Variants in SNRPN observed in about 807,000 individuals in gnomAD.
The protein encoded by SNRPN is small nuclear ribonucleoprotein polypeptide N.
In SNRPN, 7 loss-of-function variants were observed where a neutral mutation model predicts 25.2. The ratio of observed to expected loss-of-function variants is 0.28; its 90% CI spans 0.16 to 0.52. SNRPN has a LOEUF of 0.52. Ranked by LOEUF, SNRPN falls within the 20% of genes least tolerant of loss-of-function variation. SNRPN has a pLI of 0.96. For missense variants in SNRPN, 196 were observed against 322.5 expected, an observed-to-expected ratio of 0.61 and a Z score of 3.00; for synonymous variants, 124 against 110.6, an observed-to-expected ratio of 1.12 and a Z score of -0.76.
intron 2 of SNRPN, among the ~76,000 whole-genome samples, chr15:24,891,925 C>G (rs1244159204): frequency 1.3e-5 from 2 of 152,128 alleles, no homozygotes; most frequent in Non-Finnish European, 1.5e-5. Context: ...TTATATGTAA[C>G]AGTTATCTCT....
In SNRPN at chr15:24,976,993, AG is replaced by A; in HGVS notation, c.386del (p.Gly129AlafsTer13). On this transcript the variant is annotated frameshift_variant, in exon 7 of 10. Transcript: ENST00000390687. LOFTEE classifies it high-confidence loss of function. ...PIPQAPAGLA[G>X]PVRGVGGPSQ... ...TTCCCCAGGCCCCTGCTGGATTGGC[AG>A]GCCCTGTCCGAGGAGTTGGGGGACC... 6.3e-7 allele frequency: 1 copy of A among 1,599,258 alleles called. No individual in the cohort carries two copies.
Position 24,848,425 on chromosome 15 carries a change from GC to G in SNRPN, c.-579+18521del, listed in dbSNP as rs1271626438. 2.6e-5 allele frequency: 4 copies of G among 152,092 alleles called. No individual in the cohort carries two copies. In the East Asian group the frequency reaches 7.7e-4, roughly 29 times the overall value. 9.4% of individuals were successfully genotyped at this position (152,092 alleles called of 1,614,324 possible). On this transcript the variant is annotated intron_variant, in intron 2 of 12. Coordinates refer to the SNRPN transcript ENST00000400100. ...GCTTATACCGCGGAAACTTTAACCTGCGTTTTCCCGTAAAATTTTCCTCTCT... is the reference window on the plus strand; with the variant it reads ...GCTTATACCGCGGAAACTTTAACCTGGTTTTCCCGTAAAATTTTCCTCTCT...
At chr15:24,885,613 C>T (rs1262242942) in intron 1 of SNRPN, among the ~76,000 whole-genome samples, 1 of 152,024 alleles carries the variant, frequency 6.6e-6, no homozygotes, top group African/African-American at 2.4e-5. Flanking sequence ...ATCTCTGCAA[C>T]ATTGTATCAT....
At position 24,896,506 on chromosome 15, in the gene SNRPN, C is replaced by T. The variant is rs187054579; in HGVS notation, c.-505+9917C>T. ...TAGGCAGATCACAAGGTCAGGAGAT[C>T]GAGACCCCCCCGCCGGCTAACACGG... is the stretch of plus-strand genomic sequence containing the variant. On this transcript the variant is annotated intron_variant, in intron 2 of 11. Coordinates refer to the SNRPN transcript ENST00000400097. Among the ~76,000 whole-genome samples, 10 of 151,546 alleles carry T rather than the reference C, an allele frequency of 6.6e-5. No individual in the cohort carries two copies. The South Asian group carries it at 8.3e-4, about 13-fold the overall frequency.
chr15:24,824,649 T>G (rs2049951659), intron 1 of SNRPN, among the ~76,000 whole-genome samples: 1 of 152,138 alleles, frequency 6.6e-6, no homozygotes, highest in Non-Finnish European at 1.5e-5. Flanking sequence ...TTTTTAATTT[T>G]TATATGTTCA....
intron 2 of SNRPN, chr15:24,909,810 C>CT (rs1367000027): frequency 8.0e-7 from 1 of 1,257,710 alleles, no homozygotes; most frequent in African/African-American, 1.5e-5. Flanking sequence ...TTCTTAACAA[C>CT]TTTAACAAAC....
rs2060644068 is a variant in SNRPN at position 24,929,368 on chromosome 15, T to C, written c.-391+9244T>C. 6.6e-6 allele frequency among the ~76,000 whole-genome samples: 1 copy of C among 152,156 alleles called. No individual in the cohort carries two copies. Among genetic ancestry groups the C allele is most frequent in the South Asian group, 2.1e-4 (1 of 4,826 alleles). The stretch of plus-strand genomic sequence containing the variant: ...CCCCCTTGCCTCCTAGGGTCCCCTT[T>C]CCTCTCATCAGTTGCCAGACAAGAG... On this transcript the variant is annotated intron_variant, in intron 3 of 11. Coordinates refer to the SNRPN transcript ENST00000400097. This position sits in a 1 kb window ranked among gnomAD's most constrained non-coding sequence, Gnocchi z 5.3.
chr15:24,954,592 C>T (rs1395267554), upstream of SNRPN, among the ~76,000 whole-genome samples: 4 of 152,114 alleles, frequency 2.6e-5, no homozygotes, highest in Admixed American at 2.0e-4. Flanking sequence ...GTGGTTATGG[C>T]GCATTTAACT....
intron 3 of SNRPN, among the ~76,000 whole-genome samples, chr15:24,922,571 C>T (rs1342630254): frequency 6.6e-6 from 1 of 152,182 alleles, no homozygotes; most frequent in Non-Finnish European, 1.5e-5. Flanking sequence ...ATCCTCCATG[C>T]TGCTCTTTGT....
chr15:24,943,460 T>G (rs1321870377), intron 3 of SNRPN, among the ~76,000 whole-genome samples: 1 of 151,368 alleles, frequency 6.6e-6, no homozygotes, highest in Non-Finnish European at 1.5e-5. Flanking sequence ...GTAGCAGGAG[T>G]GGGGGCCGTG....
intron 2 of SNRPN, among the ~76,000 whole-genome samples, chr15:24,888,875 TTC>T (rs1469574303): frequency 1.4e-5 from 2 of 143,128 alleles, no homozygotes; most frequent in Non-Finnish European, 3.1e-5. Context: ...CTTGACATTC[TTC>T]TGTTTCTGTG....
At chr15:24,872,534 T>G in intron 1 of SNRPN, among the ~76,000 whole-genome samples, 1 of 98,800 alleles carries the variant, frequency 1.0e-5, no homozygotes, top group South Asian at 3.7e-4. Context: ...TCACCTGAGG[T>G]TGGGAGTTCG....
intron 1 of SNRPN, among the ~76,000 whole-genome samples, chr15:24,858,658 G>A (rs751303098): frequency 2.0e-5 from 3 of 151,736 alleles, no homozygotes; most frequent in South Asian, 2.1e-4. Flanking sequence ...AAAATTAGCC[G>A]GGCATGCTGA....
intron 1 of SNRPN, among the ~76,000 whole-genome samples, chr15:24,877,132 T>C (rs137899925): frequency 3.9e-5 from 6 of 152,240 alleles, no homozygotes; most frequent in African/African-American, 1.2e-4. Context: ...GTGGGGAAAA[T>C]GTGAGACAGC....
chr15:24,968,534 A>G (rs1019786130), intron 3 of SNRPN: 13 of 154,894 alleles, frequency 8.4e-5, no homozygotes, highest in African/African-American at 3.1e-4. Flanking sequence ...CTTAAGGTAC[A>G]TTTTTCTAAA....
In SNRPN at chr15:24,929,540, G is replaced by A. The variant is rs546955098; in HGVS notation, c.-391+9416G>A. ...CCTGGGAAGCTCAGGGAAGCTGCAGGTACCCTGTCAGTTGGGTGTCCCCTC... is the reference window on the plus strand; with the variant it reads ...CCTGGGAAGCTCAGGGAAGCTGCAGATACCCTGTCAGTTGGGTGTCCCCTC... On this transcript the variant is annotated intron_variant, in intron 3 of 11. Transcript: ENST00000400097. The surrounding 1 kb of genome is among the most constrained non-coding windows in gnomAD (Gnocchi z 5.3). Among the ~76,000 whole-genome samples, 1 of 152,256 alleles carries A rather than the reference G, an allele frequency of 6.6e-6. No individual in the cohort carries two copies. Among genetic ancestry groups the A allele is most frequent in the African/African-American group, 2.4e-5 (1 of 41,562 alleles).
chr15:24,967,808 GAAAAAAA>G (rs35146696), intron 2 of SNRPN, 117 bp from the exon 3 acceptor site: 5,969 of 491,794 alleles, frequency 0.012, 17 homozygotes, highest in Non-Finnish European at 0.015. Context: ...ACCCTGTCTG[GAAAAAAA>G]AAAAAAAAAA....
intron 1 of SNRPN, among the ~76,000 whole-genome samples, chr15:24,882,962 A>G (rs2056865465): frequency 6.6e-6 from 1 of 152,116 alleles, no homozygotes; most frequent in South Asian, 2.1e-4. Flanking sequence ...GGGCAAAATC[A>G]TCAAACACAA....
At chr15:24,867,114 T>C (rs1426837959) in intron 1 of SNRPN, among the ~76,000 whole-genome samples, 1 of 152,156 alleles carries the variant, frequency 6.6e-6, no homozygotes, top group Non-Finnish European at 1.5e-5. Flanking sequence ...CTCTTCAACA[T>C]ACTGATTTCA....
Sources: gnomAD v4.1 joint callset for allele counts (sites outside exome capture counted in the v4.1 genomes callset) on GRCh38, gnomAD v4.1.1 for gene constraint, Gnocchi (gnomAD v3.1) non-coding constraint, MANE v1.5 for transcripts, NCBI Gene and HGNC (gene_info 2026-07-23, HGNC 2026-07-21) for gene names.